Variants in MYO3B observed in about 807,000 individuals in gnomAD.
MYO3B encodes myosin-IIIb.
A neutral mutation model predicts 174.6 loss-of-function variants in MYO3B; 156 were observed. That is an observed-to-expected ratio of 0.89 (90% confidence interval 0.78 to 1.02). The LOEUF (loss-of-function observed/expected upper bound fraction) is 1.02. Ranked by LOEUF, MYO3B falls within the 50% of genes least tolerant of loss-of-function variation. The probability of loss-of-function intolerance (pLI) is 0.00; values close to 1 mark genes in which losing one functional copy is unlikely to be tolerated. For missense variants in MYO3B, 1,632 were observed against 1,639.4 expected (o/e 1.00, Z 0.08); for synonymous variants, 563 against 569.1 (o/e 0.99, Z 0.15).
chr2:170,584,413 G>A (rs1265761809), intron 32 of MYO3B, among the ~76,000 whole-genome samples: 1 of 152,120 alleles, frequency 6.6e-6, no homozygotes, highest in Non-Finnish European at 1.5e-5. Flanking sequence ...TTGATTTAAT[G>A]ATCTCTCACA....
chr2:170,491,344 A>T (rs1686453103), intron 25 of MYO3B, among the ~76,000 whole-genome samples: 1 of 152,140 alleles, frequency 6.6e-6, no homozygotes, highest in Non-Finnish European at 1.5e-5. Context: ...AATTTTCCAG[A>T]TATCTTTCTG....
rs2094465835 is a variant in MYO3B at position 170,400,194 on chromosome 2, C to T, written c.1798C>T (p.His600Tyr). The change falls in exon 17 of 35, where the codon CAC becomes TAC. Residue 600 changes from histidine to tyrosine, a missense_variant. Coordinates refer to ENST00000408978, the MANE Select transcript of MYO3B (RefSeq NM_138995.5). Reference protein sequence around the residue: ...RIIGFTDKEVHSVYRILAGIL... With the variant: ...RIIGFTDKEVYSVYRILAGIL... ...TTCTTGATGTCCTTTTCAGGAGGTG[C>T]ACTCAGTGTACAGAATTTTGGCTGG... The T allele has an allele frequency of 1.9e-6, 3 of 1,613,818 alleles. No homozygotes were observed. The highest frequency in any genetic ancestry group is 2.2e-5 in the South Asian group (2 of 91,062).
rs115777442 is a variant in MYO3B, at chr2:170,195,504, C to T, written c.3-3704C>T. 9.7e-3 allele frequency among the ~76,000 whole-genome samples: 1,484 copies of T among 152,210 alleles called. 14 individuals are homozygous for T. The highest frequency in any genetic ancestry group is 0.041 in the Middle Eastern group (12 of 294). Reference sequence around the variant, plus strand: ...CCCCATCCATCCCACTGAGAGCCACCTCCACCACTCAGTAAAATCCCCGCA... The same window carrying T: ...CCCCATCCATCCCACTGAGAGCCACTTCCACCACTCAGTAAAATCCCCGCA... On this transcript the variant is annotated intron_variant, in intron 1 of 34. Coordinates refer to ENST00000408978, the MANE Select transcript of MYO3B (RefSeq NM_138995.5).
At chr2:170,541,841 T>C (rs1690131592) in intron 30 of MYO3B, among the ~76,000 whole-genome samples, 1 of 152,148 alleles carries the variant, frequency 6.6e-6, no homozygotes, top group Admixed American at 6.5e-5. Flanking sequence ...TACACACAAA[T>C]AAATATAGAA....
intron 32 of MYO3B, among the ~76,000 whole-genome samples, chr2:170,574,903 TTCTCCC>T (rs1404753275): frequency 2.0e-5 from 3 of 152,240 alleles, no homozygotes; most frequent in South Asian, 2.1e-4. Flanking sequence ...CTTGATCTCC[TTCTCCC>T]TCTCCCTCTT....
At chr2:170,221,257 A>G (rs891953549) in intron 6 of MYO3B, among the ~76,000 whole-genome samples, 1 of 152,170 alleles carries the variant, frequency 6.6e-6, no homozygotes, top group Admixed American at 6.5e-5. Flanking sequence ...GAATAAGAGC[A>G]TTGCAGATGA....
chr2:170,636,953 T>TGTGC (rs1438842919), intron 32 of MYO3B, among the ~76,000 whole-genome samples: 11 of 89,868 alleles, frequency 1.2e-4, no homozygotes, highest in Non-Finnish European at 1.1e-4. Flanking sequence ...CATTTGCTTT[T>TGTGC]GTGCGTGTGT....
In MYO3B at chr2:170,218,157, G is replaced by T. The variant is rs76063135; in HGVS notation, c.603+762G>T. Among the ~76,000 whole-genome samples, 1,260 of 152,170 alleles carry T rather than the reference G, an allele frequency of 8.3e-3. 9 individuals are homozygous for T. Among genetic ancestry groups the T allele is most frequent in the Middle Eastern group, 0.031 (9 of 294 alleles). ...ATTTCCTCTGTGTGACTGCCAAAGT[G>T]GTCTCCTAACAAAGTAAGTGGTTCA... On this transcript the variant is annotated intron_variant, in intron 6 of 34. Transcript: ENST00000408978.
At chr2:170,529,113 G>A (rs1217591966) in intron 30 of MYO3B, among the ~76,000 whole-genome samples, 2 of 151,974 alleles carry the variant, frequency 1.3e-5, no homozygotes, top group Non-Finnish European at 2.9e-5. Context: ...GATATTTTTA[G>A]CATGATAATG....
intron 32 of MYO3B, among the ~76,000 whole-genome samples, chr2:170,603,099 A>C (rs977779112): frequency 1.3e-5 from 2 of 151,786 alleles, no homozygotes; most frequent in African/African-American, 4.9e-5. Context: ...ACAAAAAAAA[A>C]CTTCTAAACC....
chr2:170,222,336 T>A (rs1439520983), intron 6 of MYO3B, among the ~76,000 whole-genome samples: 1 of 152,216 alleles, frequency 6.6e-6, no homozygotes, highest in Non-Finnish European at 1.5e-5. Context: ...CACCCTATAT[T>A]TATTTTCCCG....
At chr2:170,358,093 G>A (rs762360255) in intron 8 of MYO3B, among the ~76,000 whole-genome samples, 13 of 151,608 alleles carry the variant, frequency 8.6e-5, no homozygotes, top group South Asian at 4.2e-4. Flanking sequence ...CAGAGGTTGC[G>A]GTGAGCCGAG....
intron 7 of MYO3B, among the ~76,000 whole-genome samples, chr2:170,281,051 A>G (rs1419289001): frequency 1.3e-5 from 2 of 152,162 alleles, no homozygotes; most frequent in Admixed American, 6.5e-5. Context: ...CATTGATTAT[A>G]TAAATTGCTT....
intron 1 of MYO3B, among the ~76,000 whole-genome samples, chr2:170,189,831 TGGTA>T (rs2092517134): frequency 1.3e-5 from 2 of 152,320 alleles, no homozygotes; most frequent in African/African-American, 4.8e-5. Context: ...GATTGGTCCC[TGGTA>T]CCTTATTTAG....
intron 22 of MYO3B, among the ~76,000 whole-genome samples, chr2:170,430,685 A>G (rs988287549): frequency 2.0e-5 from 3 of 152,136 alleles, no homozygotes; most frequent in Non-Finnish European, 4.4e-5. Context: ...AGCTTCTTAT[A>G]CCATATAAAC....
intron 32 of MYO3B, among the ~76,000 whole-genome samples, chr2:170,581,931 G>T (rs1575197251): frequency 6.6e-6 from 1 of 152,158 alleles, no homozygotes; most frequent in East Asian, 1.9e-4. Context: ...CAAAAGATGT[G>T]TGTCATTATT....
At chr2:170,561,913 T>C (rs1274188982) in intron 32 of MYO3B, among the ~76,000 whole-genome samples, 1 of 152,150 alleles carries the variant, frequency 6.6e-6, no homozygotes, top group Non-Finnish European at 1.5e-5. Flanking sequence ...CTATAGTCTT[T>C]TTCTTCTTCA....
chr2:170,493,375 C>G (rs985061038), intron 25 of MYO3B, among the ~76,000 whole-genome samples: 1 of 152,066 alleles, frequency 6.6e-6, no homozygotes, highest in African/African-American at 2.4e-5. Flanking sequence ...ACTTCATTAG[C>G]TGGAGTCTTG....
chr2:170,205,177 C>A (rs1161812807), intron 3 of MYO3B, among the ~76,000 whole-genome samples: 1 of 152,106 alleles, frequency 6.6e-6, no homozygotes, highest in East Asian at 1.9e-4. Flanking sequence ...AAATCCATAG[C>A]TGAGTTTTGA....
Sources: allele counts gnomAD v4.1 joint callset (sites outside exome capture counted in the v4.1 genomes callset), GRCh38; gene constraint gnomAD v4.1.1; transcripts MANE v1.5; gene names NCBI Gene and HGNC (gene_info 2026-07-23, HGNC 2026-07-21).